The following PCLO variants were observed in gnomAD, a reference collection of about 807,000 sequenced individuals.
PCLO encodes the protein piccolo presynaptic cytomatrix protein.
Under a neutral mutation model 427.5 loss-of-function variants are expected in PCLO, and 82 were observed. That is an observed-to-expected ratio of 0.19 (90% CI 0.16 to 0.23). The LOEUF (loss-of-function observed/expected upper bound fraction) is 0.23, where lower values mean the gene tolerates loss of function less well. Ranked by LOEUF, PCLO falls within the 10% of genes least tolerant of loss-of-function variation. The pLI is 1.00. For missense variants in PCLO, 6,239 were observed against 6,115.9 expected, an observed-to-expected ratio of 1.02 and a Z score of -0.67; for synonymous variants, 2,357 against 2,155.4, an observed-to-expected ratio of 1.09 and a Z score of -2.59.
intron 6 of PCLO, among the ~76,000 whole-genome samples, chr7:82,934,585 T>C (rs1464223207): frequency 2.0e-5 from 3 of 151,756 alleles, no homozygotes; most frequent in African/African-American, 7.2e-5. Context: ...AACTGCAGTG[T>C]TGAGATTTCA....
At chr7:83,064,441 C>G (rs953763485) in intron 3 of PCLO, among the ~76,000 whole-genome samples, 2 of 151,958 alleles carry the variant, frequency 1.3e-5, no homozygotes, top group Admixed American at 1.3e-4. Context: ...ATTTCGGATT[C>G]TCTTTGAGGA....
At position 82,961,136 on chromosome 7, in the gene PCLO, T is replaced by C. The variant is rs565534665; in HGVS notation, c.4018-4201A>G. On this transcript the variant is annotated intron_variant, in intron 4 of 24. Transcript: ENST00000333891. The stretch of plus-strand genomic sequence containing the variant: ...AATAGTAAGAGGTAAATTAAGAGTA[T>C]TGTTTTGACTGTAAATAAAAACTAA... 8.5e-5 allele frequency among the ~76,000 whole-genome samples: 13 copies of C among 152,312 alleles called. 2 individuals are homozygous for C. The South Asian group carries it at 2.5e-3, about 29-fold the overall frequency.
chr7:82,870,999 C>A (rs923425155), intron 10 of PCLO, among the ~76,000 whole-genome samples: 12 of 151,962 alleles, frequency 7.9e-5, no homozygotes, highest in African/African-American at 2.9e-4. Flanking sequence ...AATGCTCATA[C>A]ACTGTTTGTG....
chr7:83,122,651 CAAAA>C (rs1441286862), intron 3 of PCLO, among the ~76,000 whole-genome samples: 2 of 151,880 alleles, frequency 1.3e-5, no homozygotes, highest in Non-Finnish European at 2.9e-5. Flanking sequence ...AGCAATTAGA[CAAAA>C]GAAAGAAAGG....
intron 20 of PCLO, among the ~76,000 whole-genome samples, chr7:82,806,335 TG>T (rs1382387314): frequency 1.3e-5 from 2 of 152,186 alleles, no homozygotes; most frequent in African/African-American, 4.8e-5. Context: ...TTGAAAATTC[TG>T]TTTGTTTGTA....
In PCLO at chr7:82,961,092, T is replaced by C. The variant is rs539089296; in HGVS notation, c.4018-4157A>G. On this transcript the variant is annotated intron_variant, in intron 4 of 24. Transcript: ENST00000333891. Reference sequence around the variant, plus strand: ...CCTTATCAATAATTGTATAAGGAAGTACTTAACATAGCAGCCAGAATAGTA... The same window carrying C: ...CCTTATCAATAATTGTATAAGGAAGCACTTAACATAGCAGCCAGAATAGTA... Among the ~76,000 whole-genome samples the C allele has an allele frequency of 1.3e-3, 195 of 152,332 alleles. 2 individuals are homozygous for C. Among genetic ancestry groups the C allele is most frequent in the Admixed American group, 2.5e-3 (38 of 15,296 alleles).
intron 6 of PCLO, among the ~76,000 whole-genome samples, chr7:82,947,514 A>C (rs939298510): frequency 6.6e-6 from 1 of 152,192 alleles, no homozygotes; most frequent in African/African-American, 2.4e-5. Context: ...TTGCCTAGAA[A>C]TTATAAAATT....
chr7:82,975,919 G>A (rs1047502268), intron 3 of PCLO, among the ~76,000 whole-genome samples: 3 of 152,136 alleles, frequency 2.0e-5, no homozygotes, highest in South Asian at 2.1e-4. Context: ...TGCCATGACC[G>A]TAAGTTTCCT....
chr7:83,031,335 A>G (rs1035977832), intron 3 of PCLO, among the ~76,000 whole-genome samples: 3 of 152,170 alleles, frequency 2.0e-5, no homozygotes, highest in African/African-American at 7.2e-5. Context: ...TGGTGTTCTG[A>G]GCATGGAAAT....
chr7:82,806,286 C>G (rs994274468), intron 20 of PCLO, among the ~76,000 whole-genome samples: 10 of 152,058 alleles, frequency 6.6e-5, no homozygotes, highest in African/African-American at 2.4e-4. Flanking sequence ...TGTTTTTCTC[C>G]TTAGAAACAA....
At chr7:83,022,841 C>T (rs1788379543) in intron 3 of PCLO, among the ~76,000 whole-genome samples, 1 of 152,068 alleles carries the variant, frequency 6.6e-6, no homozygotes, top group Non-Finnish European at 1.5e-5. Context: ...ATCTGAAAGC[C>T]TGAATATATA....
At chr7:82,914,375 T>C (rs189543184) in intron 7 of PCLO, 1 of 517,022 alleles carries the variant, frequency 1.9e-6, no homozygotes, top group African/African-American at 1.9e-5. Context: ...CAACTATGGA[T>C]TTATAGGATG....
intron 6 of PCLO, among the ~76,000 whole-genome samples, chr7:82,947,393 A>C (rs1250454267): frequency 6.6e-6 from 1 of 151,578 alleles, no homozygotes; most frequent in East Asian, 1.9e-4. Flanking sequence ...ATCACTATGA[A>C]TATCCCTAAG....
At chr7:82,995,897 C>T (rs982697327) in intron 3 of PCLO, among the ~76,000 whole-genome samples, 7 of 151,548 alleles carry the variant, frequency 4.6e-5, no homozygotes, top group Non-Finnish European at 5.9e-5. Flanking sequence ...ATGTTTAGTA[C>T]GTACAAATGT....
At chr7:82,764,153 G>T (rs1790485368) in intron 22 of PCLO, among the ~76,000 whole-genome samples, 1 of 151,834 alleles carries the variant, frequency 6.6e-6, no homozygotes, top group Admixed American at 6.6e-5. Flanking sequence ...GAATAAAGAA[G>T]GGAGAGAGAA....
chr7:82,786,438 CTTAA>C (rs1385487876), intron 22 of PCLO, among the ~76,000 whole-genome samples: 2 of 152,036 alleles, frequency 1.3e-5, no homozygotes, highest in Admixed American at 1.3e-4. Flanking sequence ...ACAAATTATT[CTTAA>C]TTAGTTAAAC....
intron 6 of PCLO, among the ~76,000 whole-genome samples, chr7:82,940,778 T>TTTTC (rs1795065742): frequency 3.4e-5 from 4 of 118,340 alleles, no homozygotes; most frequent in Admixed American, 9.4e-5. Context: ...TTTTTTTTTT[T>TTTTC]CTGAGACTGA....
intron 3 of PCLO, among the ~76,000 whole-genome samples, chr7:83,057,344 ATAT>A (rs1789417690): frequency 5.0e-5 from 1 of 19,952 alleles, no homozygotes; most frequent in Non-Finnish European, 8.5e-5. Flanking sequence ...ATATATATAT[ATAT>A]ATTTTTTTTT....
In PCLO at chr7:82,926,948, C is replaced by T. The variant is rs954384530; in HGVS notation, c.11113-10075G>A. On this transcript the variant is annotated intron_variant, in intron 6 of 24. Coordinates refer to ENST00000333891, the MANE Select transcript of PCLO (RefSeq NM_033026.6). Reference sequence around the variant, plus strand: ...CCTTCCTTTGTATGAAATCAGACGGCTATACTACAACAAAGGGAACAAAAT... The same window carrying T: ...CCTTCCTTTGTATGAAATCAGACGGTTATACTACAACAAAGGGAACAAAAT... Among the ~76,000 whole-genome samples, 77 of 152,076 alleles carry T rather than the reference C, an allele frequency of 5.1e-4. 2 individuals carry two copies. Among genetic ancestry groups the T allele is most frequent in the Non-Finnish European group, 1.6e-4 (11 of 68,012 alleles).
Sources: gnomAD v4.1 joint callset for allele counts (sites outside exome capture counted in the v4.1 genomes callset) on GRCh38, gnomAD v4.1.1 for gene constraint, MANE v1.5 for transcripts, NCBI Gene and HGNC (gene_info 2026-07-23, HGNC 2026-07-21) for gene names.